TNNI3K: variants seen among roughly 807,000 people sequenced by gnomAD.
TNNI3K encodes TNNI3 interacting kinase, also known as serine/threonine-protein kinase TNNI3K.
In TNNI3K, 140 loss-of-function variants were observed where a neutral mutation model predicts 114.5. The ratio of observed to expected loss-of-function variants is 1.22; its 90% CI spans 1.07 to 1.41. The LOEUF is 1.41. Among genes scored for constraint, TNNI3K ranks in the 40% most tolerant of loss-of-function variants. TNNI3K has a pLI of 0.00. For missense variants in TNNI3K, 1,125 were observed against 1,007.6 expected, an observed-to-expected ratio of 1.12 and a Z score of -1.58; for synonymous variants, 347 against 347.5, an observed-to-expected ratio of 1.00 and a Z score of 0.02.
chr1:74,271,607 G>A lies in TNNI3K; in HGVS notation c.343G>A (p.Glu115Lys). ...LHLAVYKDNAELITSLLHSGA... is the reference protein window; with the variant it reads ...LHLAVYKDNAKLITSLLHSGA... ...ATATGTTTCCTTACAGGATAATGCA[G>A]AATTGATCACTTCTCTGCTTCACAG... The change falls in exon 5 of 25, where the codon GAA (glutamate) becomes AAA (lysine). Residue 115 changes from glutamate (E) to lysine (K), a missense_variant. Glu to Lys is a moderately conservative substitution (Grantham distance 56). Coordinates refer to ENST00000326637, the MANE Select transcript of TNNI3K (RefSeq NM_015978.3). 2.5e-6 allele frequency: 4 copies of A among 1,604,168 alleles called. No individual in the cohort carries two copies. Among genetic ancestry groups the A allele is most frequent in the Non-Finnish European group, 3.4e-6 (4 of 1,174,672 alleles).
At chr1:74,417,810 G>A (rs1000800208) in intron 17 of TNNI3K, among the ~76,000 whole-genome samples, 1 of 151,254 alleles carries the variant, frequency 6.6e-6, no homozygotes, top group Non-Finnish European at 1.5e-5. Context: ...ATTAATAATT[G>A]ATACATTTAG....
intron 23 of TNNI3K, among the ~76,000 whole-genome samples, chr1:74,520,395 C>T (rs1488821198): frequency 1.3e-5 from 2 of 152,014 alleles, no homozygotes; most frequent in African/African-American, 2.4e-5. Context: ...TCTTCCTCAG[C>T]CCCTCCAGTC....
chr1:74,288,993 G>C (rs1193883349), intron 5 of TNNI3K, among the ~76,000 whole-genome samples: 1 of 151,974 alleles, frequency 6.6e-6, no homozygotes, highest in African/African-American at 2.4e-5. Context: ...TGGGGAAAGA[G>C]TGTATGTTGT....
intron 5 of TNNI3K, among the ~76,000 whole-genome samples, chr1:74,309,774 A>G (rs1425351946): frequency 1.3e-5 from 2 of 152,198 alleles, no homozygotes; most frequent in Admixed American, 6.5e-5. Context: ...CATGATAAAA[A>G]TCCTCAACAA....
chr1:74,332,297 CT>C (rs528138817), intron 6 of TNNI3K, among the ~76,000 whole-genome samples: 131 of 144,360 alleles, frequency 9.1e-4, no homozygotes, highest in East Asian at 2.4e-3. Context: ...GCTATTTGCC[CT>C]TTTTTTTTTT....
chr1:74,503,370 G>C (rs958539321), intron 23 of TNNI3K, among the ~76,000 whole-genome samples: 1 of 152,184 alleles, frequency 6.6e-6, no homozygotes, highest in African/African-American at 2.4e-5. Flanking sequence ...AAAGAATGCT[G>C]ATTTGAAATA....
At chr1:74,249,322 TTCTG>T in intron 2 of TNNI3K, 133 bp from the exon 3 acceptor site, 1 of 870,196 alleles carries the variant, frequency 1.1e-6, no homozygotes, top group Non-Finnish European at 1.7e-6. Context: ...TCAAGATTCT[TTCTG>T]TAAGTGCAAA....
chr1:74,293,573 G>A (rs531799143), intron 5 of TNNI3K, among the ~76,000 whole-genome samples: 2 of 151,094 alleles, frequency 1.3e-5, no homozygotes, highest in East Asian at 3.9e-4. Flanking sequence ...TTGTACACTG[G>A]CCTTGTTTCT....
chr1:74,422,813 A>G (rs1007778435), intron 17 of TNNI3K, among the ~76,000 whole-genome samples: 4 of 152,146 alleles, frequency 2.6e-5, no homozygotes, highest in Non-Finnish European at 1.5e-5. Context: ...CAGCAGGGAT[A>G]AAGCACAGAA....
intron 5 of TNNI3K, among the ~76,000 whole-genome samples, 170 bp downstream of exon 5, chr1:74,271,878 TTCAG>T (rs1240536441): frequency 6.6e-6 from 1 of 151,920 alleles, no homozygotes; most frequent in Non-Finnish European, 1.5e-5. Flanking sequence ...GGATAGTCAA[TTCAG>T]TCAATTTTCT....
intron 16 of TNNI3K, 186 bp downstream of exon 16, chr1:74,369,771 T>G: frequency 1.6e-6 from 1 of 619,430 alleles, no homozygotes. Context: ...TAGAAATACT[T>G]TATGCTTTCT....
chr1:74,322,757 C>A (rs1258109834), intron 5 of TNNI3K, among the ~76,000 whole-genome samples: 1 of 152,052 alleles, frequency 6.6e-6, no homozygotes, highest in African/African-American at 2.4e-5. Context: ...CTGGGCGATT[C>A]TACCATCTTA....
At chr1:74,518,247 AGTCTG>A (rs1336025185) in intron 23 of TNNI3K, among the ~76,000 whole-genome samples, 1 of 152,202 alleles carries the variant, frequency 6.6e-6, no homozygotes, top group African/African-American at 2.4e-5. Flanking sequence ...TCTGCTTTTC[AGTCTG>A]GATGGCTAGA....
intron 5 of TNNI3K, among the ~76,000 whole-genome samples, chr1:74,305,535 G>A (rs1186822146): frequency 1.2e-4 from 19 of 152,262 alleles, no homozygotes; most frequent in Admixed American, 1.0e-3. Context: ...GCAACTAGTC[G>A]TTGGTCTCTT....
intron 11 of TNNI3K, among the ~76,000 whole-genome samples, 197 bp from the exon 12 acceptor site, chr1:74,367,059 A>G (rs902080825): frequency 2.6e-5 from 4 of 152,006 alleles, no homozygotes; most frequent in Admixed American, 2.0e-4. Flanking sequence ...AGTGCCTGAC[A>G]TAGTGCTTCG....
At chr1:74,297,522 C>CGTGTGTGTGT (rs10633137) in intron 5 of TNNI3K, among the ~76,000 whole-genome samples, 13,167 of 145,324 alleles carry the variant, frequency 0.091, 750 homozygotes, top group Non-Finnish European at 0.13. Context: ...TGTGTGTGTG[C>CGTGTGTGTGT]GTGTGTGTGT....
At position 74,439,633 on chromosome 1, in the gene TNNI3K, C is replaced by G. The variant is rs764924148; in HGVS notation, c.2011+11C>G. ...CTCATCTCAAGCCAGGTAAGACACA[C>G]TGCAATTGAAGTTTTCCTGTTTTAC... On this transcript the variant is annotated intron_variant, in intron 20 of 24. Coordinates refer to ENST00000326637, the MANE Select transcript of TNNI3K (RefSeq NM_015978.3). The G allele has an allele frequency of 6.2e-7, 1 of 1,611,380 alleles. No individual in the cohort carries two copies. Among genetic ancestry groups the G allele is most frequent in the Admixed American group, 1.7e-5 (1 of 59,332 alleles).
chr1:74,248,661 A>G (rs1310617577), intron 2 of TNNI3K, among the ~76,000 whole-genome samples: 1 of 152,200 alleles, frequency 6.6e-6, no homozygotes, highest in Non-Finnish European at 1.5e-5. Flanking sequence ...CTCAAAATGA[A>G]GGCCTTACAA....
At chr1:74,463,898 G>A (rs1344703098) in intron 21 of TNNI3K, among the ~76,000 whole-genome samples, 1 of 152,232 alleles carries the variant, frequency 6.6e-6, no homozygotes, top group African/African-American at 2.4e-5. Flanking sequence ...ATGGATTTGT[G>A]TTGGCTTTTA....
Sources: allele counts gnomAD v4.1 joint callset (sites outside exome capture counted in the v4.1 genomes callset), GRCh38; gene constraint gnomAD v4.1.1; transcripts MANE v1.5; gene names NCBI Gene and HGNC (gene_info 2026-07-23, HGNC 2026-07-21).